GHR: variants seen among roughly 807,000 people sequenced by gnomAD.
The protein encoded by GHR is growth hormone receptor.
In GHR, 35 loss-of-function variants were observed where a neutral mutation model predicts 67.1. That is an observed-to-expected ratio of 0.52 (90% CI 0.40 to 0.69). The LOEUF (loss-of-function observed/expected upper bound fraction) is 0.69. Ranked by LOEUF, GHR falls within the 30% of genes least tolerant of loss-of-function variation. The pLI is 0.00. For synonymous variants in GHR, 272 were observed against 269.1 expected (o/e 1.01, Z -0.10); for missense variants, 792 against 764.6 (o/e 1.04, Z -0.42).
At chr5:42,465,953 C>T (rs574222611) in intron 1 of GHR, 1 of 676,078 alleles carries the variant, frequency 1.5e-6, no homozygotes, top group East Asian at 2.5e-5. Flanking sequence ...AGTTATTTTC[C>T]CTTCACCGTG....
At chr5:42,525,961 G>A (rs1484648307) in intron 1 of GHR, among the ~76,000 whole-genome samples, 2 of 152,178 alleles carry the variant, frequency 1.3e-5, no homozygotes, top group East Asian at 1.9e-4. Flanking sequence ...TTTCAGATAT[G>A]TCTTTATCAG....
At chr5:42,565,999 T>C (rs1406678475) in intron 2 of GHR, 55 bp downstream of exon 2, 1 of 1,593,250 alleles carries the variant, frequency 6.3e-7, no homozygotes, top group Non-Finnish European at 8.6e-7. Flanking sequence ...CACTGAACTG[T>C]ATTCGCTACA....
chr5:42,678,256 C>A (rs1237263716), intron 3 of GHR, among the ~76,000 whole-genome samples: 3 of 152,168 alleles, frequency 2.0e-5, no homozygotes, highest in Non-Finnish European at 4.4e-5. Context: ...CCAGTATTAT[C>A]AAAAGTAATT....
At chr5:42,675,600 C>T (rs1756532966) in intron 3 of GHR, among the ~76,000 whole-genome samples, 1 of 152,082 alleles carries the variant, frequency 6.6e-6, no homozygotes, top group African/African-American at 2.4e-5. Flanking sequence ...TGCTGAAAAC[C>T]AGGATAAATT....
intron 3 of GHR, among the ~76,000 whole-genome samples, chr5:42,647,209 G>A (rs900737661): frequency 1.3e-5 from 2 of 152,096 alleles, no homozygotes; most frequent in African/African-American, 4.8e-5. Flanking sequence ...AGGCGGAATT[G>A]TGGGTCCCTT....
At chr5:42,466,858 A>G (rs1207148359) in intron 1 of GHR, 23 of 1,425,016 alleles carry the variant, frequency 1.6e-5, no homozygotes. Flanking sequence ...GTTATGACCA[A>G]TGCTGGAAGT....
At chr5:42,677,124 T>G (rs1756607814) in intron 3 of GHR, among the ~76,000 whole-genome samples, 1 of 151,966 alleles carries the variant, frequency 6.6e-6, no homozygotes, top group Non-Finnish European at 1.5e-5. Flanking sequence ...CCATTCCGGG[T>G]AGTTTTGGCT....
intron 1 of GHR, among the ~76,000 whole-genome samples, chr5:42,528,365 G>C (rs755959319): frequency 3.9e-5 from 6 of 152,126 alleles, no homozygotes; most frequent in Non-Finnish European, 7.4e-5. Flanking sequence ...AATTCTCATA[G>C]ATTACTTTGA....
At chr5:42,535,775 C>A (rs1748229518) in intron 1 of GHR, among the ~76,000 whole-genome samples, 1 of 152,248 alleles carries the variant, frequency 6.6e-6, no homozygotes, top group East Asian at 1.9e-4. Context: ...AATATTGATT[C>A]TACCTATCCA....
intron 2 of GHR, among the ~76,000 whole-genome samples, chr5:42,573,747 C>T (rs1750468929): frequency 6.6e-6 from 1 of 152,110 alleles, no homozygotes; most frequent in South Asian, 2.1e-4. Flanking sequence ...TCAAGTCTTT[C>T]TAATTTTCCA....
chr5:42,463,084 T>C (rs1472014963), intron 1 of GHR, among the ~76,000 whole-genome samples: 2 of 152,200 alleles, frequency 1.3e-5, no homozygotes, highest in Admixed American at 1.3e-4. Flanking sequence ...AACCTTTCTT[T>C]ATTTAATTTA....
intron 1 of GHR, among the ~76,000 whole-genome samples, chr5:42,486,665 G>A (rs571153280): frequency 6.6e-6 from 1 of 152,222 alleles, no homozygotes; most frequent in East Asian, 1.9e-4. Context: ...GGCTAACACG[G>A]TGAAACCCCG....
chr5:42,482,020 CT>C lies in GHR; in HGVS notation c.-12+58068del, dbSNP rs200680995. 7.9e-3 allele frequency among the ~76,000 whole-genome samples: 1,204 copies of C among 152,060 alleles called. 22 individuals carry two copies. The highest frequency in any genetic ancestry group is 0.028 in the African/African-American group (1,153 of 41,466). On this transcript the variant is annotated intron_variant, in intron 1 of 9. Coordinates refer to ENST00000230882, the MANE Select transcript of GHR (RefSeq NM_000163.5). ...TCCCCATCTTGGTGGTTTTATCTAC[CT>C]TTGGTCTTTGATGATGGTGACGTAC...
intron 2 of GHR, among the ~76,000 whole-genome samples, chr5:42,579,986 T>C (rs1240129045): frequency 1.3e-5 from 2 of 152,152 alleles, no homozygotes; most frequent in East Asian, 3.9e-4. Context: ...GTTTTTCATG[T>C]GAAAATTTCC....
chr5:42,713,467 A>G lies in GHR; in HGVS notation c.823A>G (p.Ile275Val). 6.7e-7 allele frequency: 1 copy of G among 1,503,094 alleles called. No individual in the cohort carries two copies. Among genetic ancestry groups the G allele is most frequent in the Non-Finnish European group, 9.2e-7 (1 of 1,081,842 alleles). 93.1% of individuals were successfully genotyped at this position (1,503,094 alleles called of 1,614,324 possible). The change falls in exon 8 of 10, where the codon ATA becomes GTA. Residue 275 changes from isoleucine (I) to valine (V), a missense_variant. Ile to Val is a conservative substitution (Grantham distance 29). Coordinates refer to ENST00000230882, the MANE Select transcript of GHR (RefSeq NM_000163.5). ...FPWLLIIIFGIFGLTVMLFVF... is the reference protein window; with the variant it reads ...FPWLLIIIFGVFGLTVMLFVF... Reference sequence around the variant, plus strand: ...ATGGCTCTTAATTATTATCTTTGGAATATTTGGGCTAACAGTGATGCTATT... The same window carrying G: ...ATGGCTCTTAATTATTATCTTTGGAGTATTTGGGCTAACAGTGATGCTATT...
At position 42,589,489 on chromosome 5, in the gene GHR, T is replaced by C. The variant is rs531893594; in HGVS notation, c.70+23545T>C. Among the ~76,000 whole-genome samples the C allele has an allele frequency of 4.6e-5, 7 of 152,344 alleles. No homozygotes were observed. In the South Asian group the frequency reaches 1.5e-3, roughly 32 times the overall value. ...AGTGGAATAATCTTTTTTGTTGTCT[T>C]CATAGTATTTTAGAGTTTTGTGAGA... is the stretch of plus-strand genomic sequence containing the variant. On this transcript the variant is annotated intron_variant, in intron 2 of 9. Transcript: ENST00000230882.
chr5:42,621,723 T>C (rs571669941), intron 2 of GHR, among the ~76,000 whole-genome samples: 8 of 152,336 alleles, frequency 5.3e-5, no homozygotes, highest in African/African-American at 1.9e-4. Context: ...ACTATTTTAC[T>C]GTAAAGCATT....
chr5:42,427,332 G>A (rs912239918), intron 1 of GHR, among the ~76,000 whole-genome samples: 7 of 152,318 alleles, frequency 4.6e-5, no homozygotes, highest in African/African-American at 1.2e-4. Flanking sequence ...TGAAGGAGGA[G>A]CAAAGGCATG....
chr5:42,468,806 A>G, intron 1 of GHR: 1 of 1,047,436 alleles, frequency 9.5e-7, no homozygotes, highest in Non-Finnish European at 1.4e-6. Context: ...TAGTTGTCAA[A>G]TAACTGGTCG....
Sources: allele counts gnomAD v4.1 joint callset (sites outside exome capture counted in the v4.1 genomes callset), GRCh38; gene constraint gnomAD v4.1.1; transcripts MANE v1.5; gene names NCBI Gene and HGNC (gene_info 2026-07-23, HGNC 2026-07-21).